The following SLC27A6 variants were observed in gnomAD, a reference collection of about 807,000 sequenced individuals.
SLC27A6 encodes long-chain fatty acid transport protein 6.
In SLC27A6, 74 loss-of-function variants were observed where a neutral mutation model predicts 63.9. That is an observed-to-expected ratio of 1.16 (90% CI 0.96 to 1.40). The LOEUF is 1.40. Among genes scored for constraint, SLC27A6 ranks in the 40% most tolerant of loss-of-function variants. The pLI, the probability that SLC27A6 is intolerant of heterozygous loss-of-function variation, is 0.00. For missense variants in SLC27A6, 794 were observed against 732.9 expected, an observed-to-expected ratio of 1.08 and a Z score of -0.96; for synonymous variants, 287 against 260.8, an observed-to-expected ratio of 1.10 and a Z score of -0.97.
At chr5:129,025,599 T>A (rs143504979) in intron 6 of SLC27A6, among the ~76,000 whole-genome samples, 2 of 152,102 alleles carry the variant, frequency 1.3e-5, no homozygotes, top group Admixed American at 1.3e-4. Context: ...GGATTACATA[T>A]GTAAAACACT....
At chr5:128,983,985 G>A (rs1054686693) in intron 1 of SLC27A6, among the ~76,000 whole-genome samples, 6 of 152,180 alleles carry the variant, frequency 3.9e-5, no homozygotes, top group East Asian at 1.9e-4. Context: ...CCCCAAGGAC[G>A]TTAATATAGA....
At chr5:128,970,638 C>T (rs10073185) in intron 1 of SLC27A6, among the ~76,000 whole-genome samples, 90,685 of 151,406 alleles carry the variant, frequency 0.6, 27,587 homozygotes, top group Non-Finnish European at 0.66. Context: ...GTCTATTTGA[C>T]TCTTCTCTCT....
intron 1 of SLC27A6, among the ~76,000 whole-genome samples, chr5:128,973,566 G>A (rs1750268000): frequency 6.6e-6 from 1 of 152,176 alleles, no homozygotes; most frequent in South Asian, 2.1e-4. Context: ...CGTGGGTGTG[G>A]GACCCACCAA....
chr5:129,012,601 T>C (rs925267838), intron 4 of SLC27A6, among the ~76,000 whole-genome samples: 2 of 152,126 alleles, frequency 1.3e-5, no homozygotes, highest in African/African-American at 4.8e-5. Flanking sequence ...CCATTTTTGC[T>C]TTATATATTT....
intron 4 of SLC27A6, among the ~76,000 whole-genome samples, chr5:129,002,640 C>G (rs1751383360): frequency 6.6e-6 from 1 of 151,740 alleles, no homozygotes; most frequent in South Asian, 2.1e-4. Context: ...AGGCCATGCT[C>G]TAGGTAATGA....
chr5:129,005,707 G>T (rs908685076), intron 4 of SLC27A6, among the ~76,000 whole-genome samples: 18 of 147,392 alleles, frequency 1.2e-4, no homozygotes, highest in African/African-American at 3.8e-4. Flanking sequence ...CCGCCTCCTG[G>T]GTTCACGCCA....
rs545328080 is a variant in SLC27A6, at chr5:128,989,497, AAGATG to A, written c.844+744_844+748del. Among the ~76,000 whole-genome samples the A allele has an allele frequency of 7.9e-5, 12 of 152,366 alleles. No individual in the cohort carries two copies. In the South Asian group the frequency reaches 2.5e-3, roughly 32 times the overall value. On this transcript the variant is annotated intron_variant, in intron 3 of 9. Coordinates refer to ENST00000262462, the MANE Select transcript of SLC27A6 (RefSeq NM_001017372.3). ...ATATGATCAATATCCACCATAAATG[AAGATG>A]AGATATTAAAAGACATTAAAATCTT...
intron 4 of SLC27A6, 96 bp downstream of exon 4, chr5:128,990,560 G>C: frequency 7.9e-7 from 1 of 1,260,032 alleles, no homozygotes; most frequent in Non-Finnish European, 1.1e-6. Context: ...CTCTACCTTT[G>C]TTACTGGCGG....
At chr5:129,002,038 A>G (rs960549528) in intron 4 of SLC27A6, among the ~76,000 whole-genome samples, 2 of 152,200 alleles carry the variant, frequency 1.3e-5, no homozygotes, top group African/African-American at 4.8e-5. Flanking sequence ...TGATGTGACT[A>G]CTTTATTGGT....
intron 6 of SLC27A6, among the ~76,000 whole-genome samples, chr5:129,026,724 G>GA (rs1251950560): frequency 6.6e-6 from 1 of 152,042 alleles, no homozygotes; most frequent in Admixed American, 6.6e-5. Context: ...AGGGCTCATG[G>GA]TAAATGCCCA....
intron 4 of SLC27A6, among the ~76,000 whole-genome samples, chr5:128,993,596 C>T (rs914325386): frequency 6.6e-6 from 1 of 152,036 alleles, no homozygotes; most frequent in African/African-American, 2.4e-5. Flanking sequence ...TTACCTTATC[C>T]AGTTGAACTC....
intron 2 of SLC27A6, 127 bp downstream of exon 2, chr5:128,985,463 G>T: frequency 1.4e-6 from 1 of 704,140 alleles, no homozygotes; most frequent in East Asian, 2.7e-5. Flanking sequence ...AAGATGTAAG[G>T]ATCTCAGAGG....
intron 4 of SLC27A6, among the ~76,000 whole-genome samples, chr5:129,012,169 C>T (rs1019986076): frequency 6.6e-6 from 1 of 151,470 alleles, no homozygotes; most frequent in African/African-American, 2.4e-5. Flanking sequence ...TTTTCTTATA[C>T]AGTTCAAAAT....
At chr5:128,971,648 T>C in intron 1 of SLC27A6, among the ~76,000 whole-genome samples, 1 of 152,056 alleles carries the variant, frequency 6.6e-6, no homozygotes, top group South Asian at 2.1e-4. Context: ...TTTGAGCCTA[T>C]AGTGTGTCTC....
At chr5:128,979,266 C>T (rs992500231) in intron 1 of SLC27A6, among the ~76,000 whole-genome samples, 1 of 151,506 alleles carries the variant, frequency 6.6e-6, no homozygotes, top group Non-Finnish European at 1.5e-5. Flanking sequence ...AAACAGCTTT[C>T]TTGTCCTCTC....
Position 129,021,327 on chromosome 5 carries a change from C to T in SLC27A6, c.1165-2293C>T, listed in dbSNP as rs377309251. Among the ~76,000 whole-genome samples the T allele has an allele frequency of 1.3e-4, 20 of 152,126 alleles. 1 individual carries two copies. The highest frequency in any genetic ancestry group is 4.8e-4 in the African/African-American group (20 of 41,494). ...CACAGGGACTGATGATAACTCTGTT[C>T]CCGACTCTACTACTATTTCACTTCG... On this transcript the variant is annotated intron_variant, in intron 5 of 9. Coordinates refer to ENST00000262462, the MANE Select transcript of SLC27A6 (RefSeq NM_001017372.3).
chr5:129,011,080 T>C (rs1291012073), intron 4 of SLC27A6, among the ~76,000 whole-genome samples: 1 of 152,236 alleles, frequency 6.6e-6, no homozygotes, highest in East Asian at 1.9e-4. Flanking sequence ...TTGCTTTCAA[T>C]TGAGACTTAA....
rs564057219 is a variant in SLC27A6 at position 129,024,585 on chromosome 5, T to C, written c.1255+875T>C. Among the ~76,000 whole-genome samples, 91 of 152,196 alleles carry C rather than the reference T, an allele frequency of 6.0e-4. 1 individual carries two copies. The East Asian group carries it at 0.017, about 28-fold the overall frequency. On this transcript the variant is annotated intron_variant, in intron 6 of 9. Transcript: ENST00000262462. ...CCTCAGCTTCTCCCTCTCACTCCCC[T>C]CCCTTCTCTACCAAGGTAGACTTTC...
chr5:128,967,305 T>C (rs912986067), intron 1 of SLC27A6, among the ~76,000 whole-genome samples: 1 of 152,162 alleles, frequency 6.6e-6, no homozygotes, highest in African/African-American at 2.4e-5. Context: ...AAGAAAAGCC[T>C]GGGGTTTAGT....
Sources: gnomAD v4.1 joint callset for allele counts (sites outside exome capture counted in the v4.1 genomes callset) on GRCh38, gnomAD v4.1.1 for gene constraint, MANE v1.5 for transcripts, NCBI Gene and HGNC (gene_info 2026-07-23, HGNC 2026-07-21) for gene names.